Variants in SNX24 observed in about 807,000 individuals in gnomAD.
The protein encoded by SNX24 is sorting nexin-24.
SNX24 carries 22 observed loss-of-function variants against 28.7 expected under a neutral mutation model. That is an observed-to-expected ratio of 0.77 (90% CI 0.55 to 1.10). The LOEUF is 1.10. Among genes scored for constraint, SNX24 ranks in the 50% least tolerant of loss-of-function variants. The probability of loss-of-function intolerance (pLI) is 0.00; values close to 1 mark genes in which losing one functional copy is unlikely to be tolerated. For synonymous variants in SNX24, 69 were observed against 71.5 expected, an observed-to-expected ratio of 0.96 and a Z score of 0.18; for missense variants, 221 against 201.1, an observed-to-expected ratio of 1.10 and a Z score of -0.60.
At chr5:123,026,942 C>A (rs1434547831) in intron 5 of SNX24, among the ~76,000 whole-genome samples, 1 of 152,174 alleles carries the variant, frequency 6.6e-6, no homozygotes, top group Non-Finnish European at 1.5e-5. Context: ...CACCTGTAAT[C>A]CCAGCACTTT....
At chr5:122,871,951 TC>T (rs1756002186) in intron 1 of SNX24, among the ~76,000 whole-genome samples, 1 of 151,716 alleles carries the variant, frequency 6.6e-6, no homozygotes, top group African/African-American at 2.4e-5. Context: ...AAATAATTAT[TC>T]CCTTTTCTCG....
At chr5:122,982,968 GTAA>G (rs1761453807) in intron 3 of SNX24, 1 of 151,898 alleles carries the variant, frequency 6.6e-6, no homozygotes, top group Non-Finnish European at 1.5e-5. Flanking sequence ...ATTAGTACTG[GTAA>G]TAATAATGCA....
At chr5:122,976,657 T>C (rs1244753372) in intron 3 of SNX24, among the ~76,000 whole-genome samples, 1 of 152,202 alleles carries the variant, frequency 6.6e-6, no homozygotes, top group African/African-American at 2.4e-5. Context: ...AGTGAGTTTT[T>C]GGGAGGGACA....
At chr5:122,909,475 T>C (rs1757786719) in intron 1 of SNX24, among the ~76,000 whole-genome samples, 1 of 152,218 alleles carries the variant, frequency 6.6e-6, no homozygotes, top group African/African-American at 2.4e-5. Flanking sequence ...ATCTAGGTTT[T>C]CCGTCTCCAA....
chr5:123,009,716 C>G (rs963870903), downstream of SNX24, among the ~76,000 whole-genome samples: 2 of 151,290 alleles, frequency 1.3e-5, no homozygotes, highest in African/African-American at 4.9e-5. Context: ...AGGTCTTTTA[C>G]GCAGAAAAGG....
chr5:123,004,252 A>G (rs1326693449), intron 6 of SNX24, among the ~76,000 whole-genome samples: 1 of 152,206 alleles, frequency 6.6e-6, no homozygotes, highest in African/African-American at 2.4e-5. Context: ...TACTCTCTTA[A>G]CAGATTGAAA....
chr5:122,917,263 A>G (rs1329657513), intron 1 of SNX24, among the ~76,000 whole-genome samples: 2 of 151,858 alleles, frequency 1.3e-5, no homozygotes, highest in Non-Finnish European at 2.9e-5. Flanking sequence ...CTCAAAAAAA[A>G]AAAAAAAGAA....
At chr5:122,905,320 G>T (rs1261724268) in intron 1 of SNX24, among the ~76,000 whole-genome samples, 1 of 152,070 alleles carries the variant, frequency 6.6e-6, no homozygotes, top group Non-Finnish European at 1.5e-5. Flanking sequence ...TTCTGCCAGC[G>T]CACCCTGAGA....
chr5:122,920,860 A>G (rs1344998254), intron 1 of SNX24, among the ~76,000 whole-genome samples: 1 of 152,214 alleles, frequency 6.6e-6, no homozygotes, highest in Admixed American at 6.5e-5. Flanking sequence ...TGCAAATAGG[A>G]AAAATTGTGC....
chr5:122,986,990 G>A (rs928459611), intron 3 of SNX24, among the ~76,000 whole-genome samples: 11 of 152,104 alleles, frequency 7.2e-5, no homozygotes, highest in Non-Finnish European at 1.6e-4. Flanking sequence ...CAGAGATATA[G>A]GAATTGGCTT....
At chr5:122,991,763 T>TTTG (rs770536184) in intron 3 of SNX24, among the ~76,000 whole-genome samples, 92 of 147,812 alleles carry the variant, frequency 6.2e-4, no homozygotes, top group East Asian at 4.5e-3. Flanking sequence ...ACCCAGTCGT[T>TTTG]TTGTTGTTGT....
intron 3 of SNX24, among the ~76,000 whole-genome samples, chr5:122,964,247 C>CAAAAAAAAAAAAAA (rs34174497): frequency 3.8e-4 from 14 of 36,572 alleles, no homozygotes; most frequent in African/African-American, 1.3e-3. Flanking sequence ...GACTCCATCT[C>CAAAAAAAAAAAAAA]AAAAAAAAAA....
intron 3 of SNX24, among the ~76,000 whole-genome samples, chr5:122,967,037 A>G (rs1016571516): frequency 6.6e-6 from 1 of 152,250 alleles, no homozygotes; most frequent in South Asian, 2.1e-4. Flanking sequence ...GACTAAAACC[A>G]TGACTGATTT....
At chr5:123,025,053 G>A (rs571044682) in intron 5 of SNX24, among the ~76,000 whole-genome samples, 4 of 152,322 alleles carry the variant, frequency 2.6e-5, no homozygotes, top group South Asian at 2.1e-4. Flanking sequence ...TTTTGGATGC[G>A]TGTCTCTGTG....
At chr5:122,949,543 C>G (rs958701503) in intron 3 of SNX24, among the ~76,000 whole-genome samples, 1 of 152,094 alleles carries the variant, frequency 6.6e-6, no homozygotes, top group African/African-American at 2.4e-5. Flanking sequence ...TGAATTGCCA[C>G]AGTGTAAATA....
intron 1 of SNX24, among the ~76,000 whole-genome samples, chr5:122,854,270 A>G (rs1009704394): frequency 3.9e-5 from 6 of 152,188 alleles, no homozygotes; most frequent in Non-Finnish European, 8.8e-5. Context: ...GCACTTTGGG[A>G]GGCTGAGGCG....
chr5:122,869,266 T>A (rs1755871182), intron 1 of SNX24, among the ~76,000 whole-genome samples: 1 of 152,222 alleles, frequency 6.6e-6, no homozygotes, highest in Non-Finnish European at 1.5e-5. Flanking sequence ...TGTAGCTGTT[T>A]ATGGAGGCTG....
At chr5:122,865,873 C>G (rs556700365) in intron 1 of SNX24, among the ~76,000 whole-genome samples, 5 of 152,262 alleles carry the variant, frequency 3.3e-5, no homozygotes, top group African/African-American at 1.2e-4. Context: ...TACACTAACT[C>G]CTTCCCTAGA....
chr5:123,026,687 C>T (rs552427724), intron 5 of SNX24, among the ~76,000 whole-genome samples: 1 of 152,306 alleles, frequency 6.6e-6, no homozygotes, highest in South Asian at 2.1e-4. Context: ...CAATTGGGAG[C>T]ACCCAGTGGT....
Sources: allele counts gnomAD v4.1 joint callset (sites outside exome capture counted in the v4.1 genomes callset), GRCh38; gene constraint gnomAD v4.1.1; transcripts MANE v1.5; gene names NCBI Gene and HGNC (gene_info 2026-07-23, HGNC 2026-07-21).